AZIN1: variants seen among roughly 807,000 people sequenced by gnomAD.
AZIN1 encodes antizyme inhibitor 1.
Under a neutral mutation model 47.4 loss-of-function variants are expected in AZIN1, and 12 were observed. That is an observed-to-expected ratio of 0.25 (90% CI 0.16 to 0.41). AZIN1 has a LOEUF of 0.41. Ranked by LOEUF, AZIN1 falls within the 10% of genes least tolerant of loss-of-function variation. The pLI is 1.00. For synonymous variants in AZIN1, 155 were observed against 176.3 expected, an observed-to-expected ratio of 0.88 and a Z score of 0.96; for missense variants, 410 against 532.4, an observed-to-expected ratio of 0.77 and a Z score of 2.26.
intron 9 of AZIN1, 190 bp from the exon 10 acceptor site, chr8:102,830,126 C>T: frequency 2.1e-6 from 1 of 480,750 alleles, no homozygotes; most frequent in South Asian, 2.5e-5. Context: ...TGGCTCATAC[C>T]TGTAATCCTA....
chr8:102,834,877 GTATTAGAAGCA>G, intron 6 of AZIN1, 130 bp from the exon 7 acceptor site: 1 of 622,188 alleles, frequency 1.6e-6, no homozygotes, highest in East Asian at 2.9e-5. Context: ...AATATTTAAA[GTATTAGAAGCA>G]TTAGCTTCTA....
At chr8:102,838,993 C>T in intron 4 of AZIN1, 77 bp from the exon 5 acceptor site, 1 of 1,297,488 alleles carries the variant, frequency 7.7e-7, no homozygotes, top group South Asian at 1.5e-5. Flanking sequence ...AATACTATTA[C>T]CCCCACCCCT....
At position 102,846,960 on chromosome 8, in the gene AZIN1, T is replaced by G. The variant is rs908571610; in HGVS notation, c.-95-3213A>C. ...AAACCAAAACAGCTGACATATAGTG[T>G]CATTATCAATATAAATAAAAATAGT... On this transcript the variant is annotated intron_variant, in intron 2 of 11. Transcript: ENST00000337198. Among the ~76,000 whole-genome samples, 76 of 152,150 alleles carry G rather than the reference T, an allele frequency of 5.0e-4. 1 individual carries two copies. The highest frequency in any genetic ancestry group is 2.5e-4 in the Non-Finnish European group (17 of 68,022).
At chr8:102,850,410 G>A (rs373342347) in intron 2 of AZIN1, among the ~76,000 whole-genome samples, 1 of 152,126 alleles carries the variant, frequency 6.6e-6, no homozygotes, top group African/African-American at 2.4e-5. Flanking sequence ...AGTCCCCTCT[G>A]CATTCTACCT....
At chr8:102,856,798 G>A (rs930674952) in intron 2 of AZIN1, among the ~76,000 whole-genome samples, 2 of 152,204 alleles carry the variant, frequency 1.3e-5, no homozygotes, top group Non-Finnish European at 2.9e-5. Flanking sequence ...AACTGACTTA[G>A]TATTGAAACA....
intron 2 of AZIN1, chr8:102,849,959 G>A (rs1367665890): frequency 6.6e-6 from 1 of 152,164 alleles, no homozygotes; most frequent in African/African-American, 2.4e-5. Context: ...AGCTCCAAGA[G>A]TAGTGGCTGC....
intron 1 of AZIN1, among the ~76,000 whole-genome samples, chr8:102,860,002 A>T (rs1477272977): frequency 1.3e-5 from 2 of 152,238 alleles, no homozygotes; most frequent in Admixed American, 1.3e-4. Flanking sequence ...CACTTCTTAT[A>T]AACACATACA....
intron 3 of AZIN1, among the ~76,000 whole-genome samples, chr8:102,840,402 G>A (rs1167580513): frequency 6.6e-6 from 1 of 152,138 alleles, no homozygotes; most frequent in Non-Finnish European, 1.5e-5. Flanking sequence ...GAGGGCAGTG[G>A]TGCAATCATA....
rs1811120120 is a variant in AZIN1, at chr8:102,826,513, C to G, written c.*2054G>C. ...CAAAAAACTTTACATTAATTCAGAA[C>G]TTTTTAGCATACCAAATTGAAATAC... On this transcript the variant is annotated 3_prime_UTR_variant, in exon 12 of 12. Transcript: ENST00000337198. The G allele has an allele frequency of 6.6e-6, 1 of 152,580 alleles. No homozygotes were observed. The allele number at this position is 152,580 out of a possible 1,614,324, so 9.5% of individuals were successfully genotyped here.
chr8:102,845,081 G>A (rs1274168719), intron 2 of AZIN1, among the ~76,000 whole-genome samples: 1 of 152,192 alleles, frequency 6.6e-6, no homozygotes, highest in East Asian at 1.9e-4. Context: ...AGCTGTCTGG[G>A]CAGCCTGTTT....
At chr8:102,856,209 C>CT (rs1199694545) in intron 2 of AZIN1, 2 of 150,918 alleles carry the variant, frequency 1.3e-5, no homozygotes, top group Non-Finnish European at 2.9e-5. Context: ...GGACCTGTAG[C>CT]TTTATAGCAA....
At chr8:102,847,787 TCTCA>T (rs1178412008) in intron 2 of AZIN1, among the ~76,000 whole-genome samples, 2 of 152,074 alleles carry the variant, frequency 1.3e-5, no homozygotes. Context: ...GTTCATAGTG[TCTCA>T]CTATGTTGCC....
chr8:102,850,400 A>C (rs1397162028), intron 2 of AZIN1, among the ~76,000 whole-genome samples: 7 of 152,202 alleles, frequency 4.6e-5, no homozygotes, highest in Non-Finnish European at 5.9e-5. Context: ...ACGTTGCTTA[A>C]GTCCCCTCTG....
chr8:102,860,388 G>A (rs1260867331), intron 1 of AZIN1, among the ~76,000 whole-genome samples: 1 of 152,066 alleles, frequency 6.6e-6, no homozygotes, highest in Non-Finnish European at 1.5e-5. Flanking sequence ...TCAGCCTTCC[G>A]AGTAGCTCGG....
chr8:102,846,903 A>G (rs73701531), intron 2 of AZIN1, among the ~76,000 whole-genome samples: 2,335 of 152,334 alleles, frequency 0.015, 55 homozygotes, highest in African/African-American at 0.053. Context: ...AGACTTTTAT[A>G]GAAGCTAAAT....
At chr8:102,850,534 C>G (rs73280739) in intron 2 of AZIN1, among the ~76,000 whole-genome samples, 159 of 152,230 alleles carry the variant, frequency 1.0e-3, no homozygotes, top group African/African-American at 3.7e-3. Flanking sequence ...TTGAGTAGGT[C>G]TGAAACACTA....
At chr8:102,855,908 C>T (rs1813252537) in intron 2 of AZIN1, 1 of 151,984 alleles carries the variant, frequency 6.6e-6, no homozygotes, top group African/African-American at 2.4e-5. Context: ...CAGAATTCTC[C>T]AGATTTTGAA....
In AZIN1 at chr8:102,836,347, C is replaced by T. The variant is rs142265787; in HGVS notation, c.493G>A (p.Glu165Lys). 3.0e-5 allele frequency: 48 copies of T among 1,613,726 alleles called. No homozygotes were observed. Among genetic ancestry groups the T allele is most frequent in the Middle Eastern group, 3.3e-4 (2 of 6,084 alleles). ...IATEDNIGGE[E>K]GNMKFGTTLK... Reference sequence around the variant, plus strand: ...GTAGTGCCAAACTTCATGTTACCCTCTTCACCTCCAATATTATCTTCTGTT... The same window carrying T: ...GTAGTGCCAAACTTCATGTTACCCTTTTCACCTCCAATATTATCTTCTGTT... The change falls in exon 6 of 12, where the codon GAG becomes AAG. Residue 165 changes from glutamate to lysine, a missense_variant. This residue lies in a region of AZIN1 where 237 missense variants were observed against 309.4 expected (regional missense o/e 0.77). Coordinates refer to ENST00000337198, the MANE Select transcript of AZIN1 (RefSeq NM_148174.4).
Position 102,861,925 on chromosome 8 carries a change from G to T in AZIN1, c.-234+1882C>A, listed in dbSNP as rs190979478. 2.9e-4 allele frequency among the ~76,000 whole-genome samples: 44 copies of T among 151,796 alleles called. No individual in the cohort carries two copies. In the East Asian group the frequency reaches 8.4e-3, roughly 29 times the overall value. ...GTGGTGGGCGCCTGTAATCCCAGCT[G>T]CTCGGGAGGCTGAGGAAGGAGAATC... On this transcript the variant is annotated intron_variant, in intron 1 of 11. Transcript: ENST00000337198.
Sources: gnomAD v4.1 joint callset for allele counts (sites outside exome capture counted in the v4.1 genomes callset) on GRCh38, gnomAD v4.1.1 for gene constraint, gnomAD v4.1.1 regional missense constraint, MANE v1.5 for transcripts, NCBI Gene and HGNC (gene_info 2026-07-23, HGNC 2026-07-21) for gene names.